CTNND2: variants seen among roughly 807,000 people sequenced by gnomAD.
CTNND2 encodes the protein catenin delta-2.
A neutral mutation model predicts 144.4 loss-of-function variants in CTNND2; 22 were observed. The ratio of observed to expected loss-of-function variants is 0.15; its 90% CI spans 0.11 to 0.22. The LOEUF (loss-of-function observed/expected upper bound fraction) is 0.22. Among genes scored for constraint, CTNND2 ranks in the 10% least tolerant of loss-of-function variants. The probability of loss-of-function intolerance (pLI) is 1.00; values close to 1 mark genes in which losing one functional copy is unlikely to be tolerated. For missense variants in CTNND2, 1,353 were observed against 1,618.8 expected (o/e 0.84, Z 2.82); for synonymous variants, 751 against 695.6 (o/e 1.08, Z -1.25).
At chr5:11,139,417 C>T (rs1258452662) in intron 12 of CTNND2, among the ~76,000 whole-genome samples, 1 of 152,236 alleles carries the variant, frequency 6.6e-6, no homozygotes, top group Non-Finnish European at 1.5e-5. Context: ...TTTCTCACAC[C>T]TAGAACGGGA....
rs771088661 is a variant in CTNND2, at chr5:10,973,750, T to C, written c.3418-37A>G. The C allele has an allele frequency of 4.2e-5, 65 of 1,550,560 alleles. No homozygotes were observed. The highest frequency in any genetic ancestry group is 5.4e-5 in the Non-Finnish European group (62 of 1,149,668). On this transcript the variant is annotated intron_variant, in intron 21 of 21. Transcript: ENST00000304623. The surrounding 1 kb of genome is among the most constrained non-coding windows in gnomAD (Gnocchi z 5.6). Reference sequence around the variant, plus strand: ...AGAAGAGCCACACTGGGTTACTTGGTTTCCCTTGACTCAGCCTGCCTCTTG... The same window carrying C: ...AGAAGAGCCACACTGGGTTACTTGGCTTCCCTTGACTCAGCCTGCCTCTTG...
At chr5:11,037,419 T>C (rs1744204920) in intron 16 of CTNND2, among the ~76,000 whole-genome samples, 1 of 152,152 alleles carries the variant, frequency 6.6e-6, no homozygotes, top group Non-Finnish European at 1.5e-5. Context: ...TTTCGACACT[T>C]CATAGAATAG....
At chr5:11,243,027 T>C (rs1472605743) in intron 9 of CTNND2, among the ~76,000 whole-genome samples, 6 of 152,200 alleles carry the variant, frequency 3.9e-5, no homozygotes, top group Non-Finnish European at 8.8e-5. Context: ...GGGATACATT[T>C]CTCTTAAAAT....
intron 2 of CTNND2, among the ~76,000 whole-genome samples, chr5:11,713,625 A>G (rs979902831): frequency 6.6e-6 from 1 of 151,118 alleles, no homozygotes; most frequent in African/African-American, 2.4e-5. Flanking sequence ...ATATACATAT[A>G]TATAAAGGAC....
intron 12 of CTNND2, among the ~76,000 whole-genome samples, chr5:11,146,718 C>T (rs913647192): frequency 6.6e-6 from 1 of 152,152 alleles, no homozygotes; most frequent in African/African-American, 2.4e-5. Context: ...AACATGAGCA[C>T]ATCGTGAGGA....
intron 3 of CTNND2, among the ~76,000 whole-genome samples, chr5:11,552,054 C>T (rs1005279464): frequency 2.6e-5 from 4 of 152,168 alleles, no homozygotes; most frequent in Non-Finnish European, 5.9e-5. Flanking sequence ...GAACCTGAGC[C>T]ACCTTGCCCT....
At chr5:11,671,566 T>C (rs1272777669) in intron 2 of CTNND2, among the ~76,000 whole-genome samples, 1 of 151,880 alleles carries the variant, frequency 6.6e-6, no homozygotes, top group African/African-American at 2.4e-5. Context: ...GCTTGATTGA[T>C]TTGGCTACTG....
At chr5:11,106,836 C>T (rs1310088111) in intron 14 of CTNND2, among the ~76,000 whole-genome samples, 2 of 152,104 alleles carry the variant, frequency 1.3e-5, no homozygotes, top group Non-Finnish European at 2.9e-5. Context: ...GTCTAGGCCA[C>T]AGGGATGTAA....
rs1220228607 is a variant in CTNND2, at chr5:10,988,460, C to T, written c.3212-218G>A. Among the ~76,000 whole-genome samples, 1 of 152,100 alleles carries T rather than the reference C, an allele frequency of 6.6e-6. No homozygotes were observed. The highest frequency in any genetic ancestry group is 1.5e-5 in the Non-Finnish European group (1 of 68,028). On this transcript the variant is annotated intron_variant, in intron 19 of 21. Transcript: ENST00000304623. This position sits in a 1 kb window ranked among gnomAD's most constrained non-coding sequence, Gnocchi z 5.9. ...CAACTGATGCTTTATAGTTAGAGGG[C>T]ATGTGATTTGGAGGCTGGCAACTGG...
chr5:11,171,421 T>A (rs1189462025), intron 11 of CTNND2, among the ~76,000 whole-genome samples: 1 of 152,226 alleles, frequency 6.6e-6, no homozygotes, highest in Non-Finnish European at 1.5e-5. Flanking sequence ...TTAACACTCA[T>A]CTTTAATTTC....
chr5:11,750,149 C>A (rs113342712), intron 1 of CTNND2, among the ~76,000 whole-genome samples: 2 of 151,910 alleles, frequency 1.3e-5, no homozygotes, highest in African/African-American at 4.8e-5. Context: ...TAGATACTAG[C>A]GCTGCTGACT....
At chr5:11,109,630 CATA>C (rs1752755900) in intron 14 of CTNND2, among the ~76,000 whole-genome samples, 2 of 152,200 alleles carry the variant, frequency 1.3e-5, no homozygotes. Context: ...TTTCATTTTA[CATA>C]ATGTCTTACA....
chr5:11,808,451 G>T (rs1352402825), intron 1 of CTNND2, among the ~76,000 whole-genome samples: 1 of 152,096 alleles, frequency 6.6e-6, no homozygotes, highest in Non-Finnish European at 1.5e-5. Context: ...AACTTTCTCT[G>T]GGAATTCTTT....
At chr5:11,200,037 T>C (rs937347096) in intron 10 of CTNND2, among the ~76,000 whole-genome samples, 1 of 152,166 alleles carries the variant, frequency 6.6e-6, no homozygotes, top group African/African-American at 2.4e-5. Flanking sequence ...ATTTAACCAT[T>C]GTCTTAAAGG....
At chr5:11,673,124 C>T (rs554565364) in intron 2 of CTNND2, among the ~76,000 whole-genome samples, 54 of 152,274 alleles carry the variant, frequency 3.5e-4, no homozygotes, top group Admixed American at 6.5e-4. Flanking sequence ...CTTTAATACT[C>T]ATGGGTTTTA....
chr5:11,026,356 C>CTTCT (rs1554026532), intron 16 of CTNND2, among the ~76,000 whole-genome samples: 5 of 117,044 alleles, frequency 4.3e-5, no homozygotes, highest in Admixed American at 1.0e-4. Context: ...CCTTCTTCTT[C>CTTCT]TTTTTTTTTT....
At chr5:11,809,395 T>A (rs149849991) in intron 1 of CTNND2, among the ~76,000 whole-genome samples, 1 of 152,194 alleles carries the variant, frequency 6.6e-6, no homozygotes, top group Non-Finnish European at 1.5e-5. Flanking sequence ...AACTTAGTCA[T>A]CTTTACTTAG....
chr5:11,346,429 G>A lies in CTNND2; in HGVS notation c.1571C>T (p.Pro524Leu), dbSNP rs1479743979. Residue 524 changes from proline to leucine, a missense_variant, in exon 9 of 22, where the codon CCG becomes CTG. Physicochemically the swap from Pro to Leu is moderately conservative, Grantham distance 98. Coordinates refer to ENST00000304623, the MANE Select transcript of CTNND2 (RefSeq NM_001332.4). Reference sequence around the variant, plus strand: ...GGACCTGGCCAAGGTGCCTTCAGGCGGGAGAGCAGGGCCGGATTTGCTGTA... The same window carrying A: ...GGACCTGGCCAAGGTGCCTTCAGGCAGGAGAGCAGGGCCGGATTTGCTGTA... Reference protein sequence around the residue: ...SPYSKSGPALPPEGTLARSPS... With the variant: ...SPYSKSGPALLPEGTLARSPS... 1.2e-5 allele frequency: 19 copies of A among 1,546,650 alleles called. No individual in the cohort carries two copies. The highest frequency in any genetic ancestry group is 7.4e-5 in the East Asian group (3 of 40,514).
intron 2 of CTNND2, among the ~76,000 whole-genome samples, chr5:11,639,150 C>A (rs1031668641): frequency 6.6e-6 from 1 of 152,090 alleles, no homozygotes. Flanking sequence ...GTGCTACAAT[C>A]ATCTAGTCAT....
Sources: gnomAD v4.1 joint callset for allele counts (sites outside exome capture counted in the v4.1 genomes callset) on GRCh38, gnomAD v4.1.1 for gene constraint, Gnocchi (gnomAD v3.1) non-coding constraint, MANE v1.5 for transcripts, NCBI Gene and HGNC (gene_info 2026-07-23, HGNC 2026-07-21) for gene names.